MED1: variants seen among roughly 807,000 people sequenced by gnomAD.
MED1 encodes the protein mediator complex subunit 1, also known as mediator of RNA polymerase II transcription subunit 1.
MED1 carries 17 observed loss-of-function variants against 121.3 expected under a neutral mutation model. That is an observed-to-expected ratio of 0.14 (90% CI 0.10 to 0.21). The LOEUF (loss-of-function observed/expected upper bound fraction) is 0.21. Among genes scored for constraint, MED1 ranks in the 10% least tolerant of loss-of-function variants. The pLI is 1.00. For synonymous variants in MED1, 661 were observed against 694.4 expected, an observed-to-expected ratio of 0.95 and a Z score of 0.76; for missense variants, 1,558 against 1,919.4, an observed-to-expected ratio of 0.81 and a Z score of 3.52.
At chr17:39,419,493 C>T (rs559608316) in intron 14 of MED1, among the ~76,000 whole-genome samples, 1 of 151,844 alleles carries the variant, frequency 6.6e-6, no homozygotes. Context: ...CTGCAACCCC[C>T]GCCTCCCGGG....
chr17:39,424,267 C>T (rs1400703798), intron 11 of MED1, among the ~76,000 whole-genome samples: 3 of 152,142 alleles, frequency 2.0e-5, no homozygotes, highest in African/African-American at 7.2e-5. Context: ...AACTTCCTAC[C>T]CCCAATTCCC....
chr17:39,425,832 G>A (rs1397310040), intron 10 of MED1, among the ~76,000 whole-genome samples: 1 of 151,538 alleles, frequency 6.6e-6, no homozygotes, highest in South Asian at 2.1e-4. Context: ...TAGAAATCCT[G>A]GAAGTTACCT....
intron 6 of MED1, among the ~76,000 whole-genome samples, chr17:39,434,762 T>C (rs2048602397): frequency 6.6e-6 from 1 of 152,132 alleles, no homozygotes; most frequent in Admixed American, 6.6e-5. Context: ...ACCTCTCACC[T>C]TCAACAACAG....
intron 6 of MED1, among the ~76,000 whole-genome samples, chr17:39,436,447 C>CTA (rs1284577963): frequency 6.6e-6 from 1 of 151,354 alleles, no homozygotes; most frequent in African/African-American, 2.4e-5. Context: ...AAGACATCCT[C>CTA]ATGTGGTGCC....
At chr17:39,413,714 A>AC (rs1491354102) in intron 16 of MED1, among the ~76,000 whole-genome samples, 1 of 152,036 alleles carries the variant, frequency 6.6e-6, no homozygotes, top group Non-Finnish European at 1.5e-5. Context: ...AGCCTGGGTA[A>AC]CAGAGTGAGA....
In MED1 at chr17:39,424,507, G is replaced by A. The variant is rs2048495792; in HGVS notation, c.851+120C>T. 1.7e-5 allele frequency: 11 copies of A among 646,290 alleles called. No homozygotes were observed. The South Asian group carries it at 2.2e-4, about 13-fold the overall frequency. The allele number at this position is 646,290 out of a possible 1,614,324, so 40.0% of individuals were successfully genotyped here. ...TCAAACAAAAGAGAAACCAATGAAT[G>A]GATAAAACAAAAGGCCAACCTCTAG... On this transcript the variant is annotated intron_variant, in intron 11 of 16. Coordinates refer to ENST00000300651, the MANE Select transcript of MED1 (RefSeq NM_004774.4).
intron 2 of MED1, 141 bp from the exon 3 acceptor site, chr17:39,443,769 G>C: frequency 3.2e-6 from 2 of 633,870 alleles, no homozygotes; most frequent in East Asian, 5.5e-5. Context: ...AGACTATATA[G>C]AGTAACACTG....
In MED1 at chr17:39,406,123, A is replaced by G. The variant is rs1298725454; in HGVS notation, c.*1352T>C. 1.0e-6 allele frequency: 1 copy of G among 985,548 alleles called. No individual in the cohort carries two copies. The highest frequency in any genetic ancestry group is 1.2e-6 in the Non-Finnish European group (1 of 829,932). 61.1% of individuals were successfully genotyped at this position (985,548 alleles called of 1,614,324 possible). A position where few individuals can be genotyped will look rare whatever the true frequency, so the allele number is the denominator to read the frequency against. On this transcript the variant is annotated 3_prime_UTR_variant, in exon 17 of 17. Coordinates refer to ENST00000300651, the MANE Select transcript of MED1 (RefSeq NM_004774.4). ...CTATATTTTTATGTGAAGGGCTCTT[A>G]TTGATGTCCCCCAGAATCCAGACTC...
Position 39,438,463 on chromosome 17 carries a change from C to T in MED1, c.428+702G>A, listed in dbSNP as rs573222630. ...GTTCACGCCATTCTCCTGCCTCAGC[C>T]TCCCTAGTAGCTGGAACCACAGATG... On this transcript the variant is annotated intron_variant, in intron 6 of 16. Coordinates refer to ENST00000300651, the MANE Select transcript of MED1 (RefSeq NM_004774.4). 4.6e-5 allele frequency among the ~76,000 whole-genome samples: 7 copies of T among 151,818 alleles called. 1 individual carries two copies. The South Asian group carries it at 1.5e-3, about 32-fold the overall frequency.
chr17:39,447,345 C>A (rs948120775), intron 2 of MED1, among the ~76,000 whole-genome samples: 6 of 150,268 alleles, frequency 4.0e-5, no homozygotes, highest in Non-Finnish European at 7.4e-5. Context: ...GAGCCGAGAT[C>A]GGGCTATTAC....
chr17:39,418,315 G>C (rs1243675185), intron 14 of MED1, among the ~76,000 whole-genome samples: 1 of 151,416 alleles, frequency 6.6e-6, no homozygotes, highest in Non-Finnish European at 1.5e-5. Flanking sequence ...TAGTCAAGAG[G>C]ATCGCTTCAG....
chr17:39,426,984 G>A (rs567403987), intron 10 of MED1, among the ~76,000 whole-genome samples: 1 of 151,874 alleles, frequency 6.6e-6, no homozygotes, highest in Admixed American at 6.6e-5. Context: ...TTACATGCAC[G>A]ATCATGGTAT....
chr17:39,408,807 A>C lies in MED1; in HGVS notation c.3414T>G (p.Ser1138=). 6.2e-7 allele frequency: 1 copy of C among 1,614,066 alleles called. No homozygotes were observed. Among genetic ancestry groups the C allele is most frequent in the South Asian group, 1.1e-5 (1 of 91,064 alleles). Reference sequence around the variant, plus strand: ...ATGAATTTTTGGACTGGCTAGATCCAGAAGACCCCTGGCTAGAATACATAC... The same window carrying C: ...ATGAATTTTTGGACTGGCTAGATCCCGAAGACCCCTGGCTAGAATACATAC... ...SSSMYSSQGS[S]GSSQSKNSSQ... The change falls in exon 17 of 17, where the codon TCT becomes TCG. Residue 1138 remains serine, a synonymous_variant. Coordinates refer to ENST00000300651, the MANE Select transcript of MED1 (RefSeq NM_004774.4). The surrounding 1 kb of genome is among the most constrained non-coding windows in gnomAD (Gnocchi z 4.7).
chr17:39,431,936 T>C lies in MED1; in HGVS notation c.575+6A>G. 1 of 1,579,368 alleles carries C rather than the reference T, an allele frequency of 6.3e-7. No homozygotes were observed. Among genetic ancestry groups the C allele is most frequent in the Non-Finnish European group, 8.7e-7 (1 of 1,148,502 alleles). On this transcript the variant is annotated splice_donor_region_variant and intron_variant, in intron 8 of 16. Coordinates refer to ENST00000300651, the MANE Select transcript of MED1 (RefSeq NM_004774.4). ...TCATGTAGAATTAAGGTTTTAGCAG[T>C]CTTACCAGTACATAATTGCCATTTT...
chr17:39,447,407 C>CA (rs944647679), intron 2 of MED1, among the ~76,000 whole-genome samples: 25 of 133,260 alleles, frequency 1.9e-4, no homozygotes, highest in East Asian at 4.4e-4. Flanking sequence ...AAAAAAAAAA[C>CA]AAAAAAAAAC....
intron 9 of MED1, among the ~76,000 whole-genome samples, chr17:39,429,074 C>T (rs570754173): frequency 4.0e-5 from 6 of 151,650 alleles, no homozygotes; most frequent in African/African-American, 1.2e-4. Flanking sequence ...AATCCCAACA[C>T]TTTGGGAGGC....
chr17:39,449,809 C>CTTTTT (rs71147334), intron 1 of MED1, among the ~76,000 whole-genome samples: 2 of 61,628 alleles, frequency 3.2e-5, no homozygotes, highest in Non-Finnish European at 6.3e-5. Flanking sequence ...CACACCCGGC[C>CTTTTT]TTTTTTTTTT....
chr17:39,426,373 G>A (rs2048515269), intron 10 of MED1, among the ~76,000 whole-genome samples: 1 of 152,016 alleles, frequency 6.6e-6, no homozygotes, highest in African/African-American at 2.4e-5. Flanking sequence ...CTTGAACCCA[G>A]GAGGTGTAGG....
chr17:39,432,159 A>G, intron 7 of MED1, 143 bp from the exon 8 acceptor site: 1 of 530,178 alleles, frequency 1.9e-6, no homozygotes, highest in South Asian at 2.0e-5. Context: ...CCTGGCCAAC[A>G]TGGCAAAACC....
Sources: gnomAD v4.1 joint callset for allele counts (sites outside exome capture counted in the v4.1 genomes callset) on GRCh38, gnomAD v4.1.1 for gene constraint, Gnocchi (gnomAD v3.1) non-coding constraint, MANE v1.5 for transcripts, NCBI Gene and HGNC (gene_info 2026-07-23, HGNC 2026-07-21) for gene names.